SYCP2: variants seen among roughly 807,000 people sequenced by gnomAD.
SYCP2 encodes synaptonemal complex protein 2, also known as synaptonemal complex lateral element protein.
Under a neutral mutation model 211.3 loss-of-function variants are expected in SYCP2, and 55 were observed. The observed-to-expected ratio is 0.26, with a 90% CI of 0.21 to 0.33. The LOEUF (loss-of-function observed/expected upper bound fraction) is 0.33. Ranked by LOEUF, SYCP2 falls within the 10% of genes least tolerant of loss-of-function variation. The pLI, the probability that SYCP2 is intolerant of heterozygous loss-of-function variation, is 1.00. For synonymous variants in SYCP2, 570 were observed against 555.2 expected (o/e 1.03, Z -0.37); for missense variants, 1,731 against 1,752.0 (o/e 0.99, Z 0.21).
intron 35 of SYCP2, among the ~76,000 whole-genome samples, chr20:59,872,237 A>G (rs1199026799): frequency 6.6e-6 from 1 of 152,048 alleles, no homozygotes; most frequent in African/African-American, 2.4e-5. Flanking sequence ...GAAATCATTT[A>G]TAAGTTTCAA....
chr20:59,884,908 C>G (rs2145694293), intron 26 of SYCP2, among the ~76,000 whole-genome samples: 2 of 151,748 alleles, frequency 1.3e-5, no homozygotes, highest in Admixed American at 1.3e-4. Flanking sequence ...TAAAAGGTAC[C>G]AAAACACTCT....
intron 14 of SYCP2, 57 bp from the exon 15 acceptor site, chr20:59,907,481 T>C: frequency 1.4e-6 from 2 of 1,405,114 alleles, no homozygotes; most frequent in Non-Finnish European, 9.9e-7. Context: ...TTACAGTTTC[T>C]TTAAACATCA....
In SYCP2 at chr20:59,901,730, A is replaced by G; in HGVS notation, c.1114T>C (p.Leu372=). Residue 372 remains leucine, a synonymous_variant, in exon 16 of 45, where the codon TTG becomes CTG. Coordinates refer to ENST00000357552, the MANE Select transcript of SYCP2 (RefSeq NM_014258.4). The part of the protein sequence containing the change: ...ISKREGKELL[L]YFDASLEITN... ...ATTTCTAGTGATGCGTCAAAATACA[A>G]AAGCAATTCTTTCCCTTCTCTTTTG... 1.2e-6 allele frequency: 2 copies of G among 1,606,860 alleles called. No individual in the cohort carries two copies. The highest frequency in any genetic ancestry group is 1.7e-6 in the Non-Finnish European group (2 of 1,176,558).
intron 38 of SYCP2, 129 bp downstream of exon 38, chr20:59,868,284 T>A: frequency 1.1e-6 from 1 of 908,106 alleles, no homozygotes; most frequent in Non-Finnish European, 1.7e-6. Flanking sequence ...AACTTTGCAA[T>A]AAAGCATCAT....
rs3834664 is a variant in SYCP2, at chr20:59,922,801, G to GAA, written c.-46-344_-46-343dup. ...TACTTGTTCCACCTCTGAGAACAAGGAAAAAAAAAAACTCTTGAATTAATG... is the reference window on the plus strand; with the variant it reads ...TACTTGTTCCACCTCTGAGAACAAGGAAAAAAAAAAAAACTCTTGAATTAATG... On this transcript the variant is annotated intron_variant, in intron 2 of 44. Coordinates refer to ENST00000357552, the MANE Select transcript of SYCP2 (RefSeq NM_014258.4). 5.3e-3 allele frequency among the ~76,000 whole-genome samples: 747 copies of GAA among 140,290 alleles called. 4 individuals are homozygous for GAA. Among genetic ancestry groups the GAA allele is most frequent in the African/African-American group, 0.018 (712 of 38,524 alleles). 92.0% of individuals were successfully genotyped at this position (140,290 alleles called of 152,430 possible).
Position 59,886,837 on chromosome 20 carries a change from G to GA in SYCP2, c.2365-4dup, listed in dbSNP as rs764577113. The GA allele has an allele frequency of 4.5e-6, 7 of 1,561,694 alleles. No individual in the cohort carries two copies. Among genetic ancestry groups the GA allele is most frequent in the Admixed American group, 2.1e-5 (1 of 47,360 alleles). On this transcript the variant is annotated splice_region_variant and splice_polypyrimidine_tract_variant and intron_variant, in intron 24 of 44. Transcript: ENST00000357552. Reference sequence around the variant, plus strand: ...TCTTTCCCTTTTGACTTTTCTCTCTGAAAAAAATTGTAAGTTACTTTTAAA... The same window carrying GA: ...TCTTTCCCTTTTGACTTTTCTCTCTGAAAAAAAATTGTAAGTTACTTTTAAA...
At chr20:59,873,809 A>G in intron 35 of SYCP2, 47 bp downstream of exon 35, 1 of 1,437,558 alleles carries the variant, frequency 7.0e-7, no homozygotes, top group Non-Finnish European at 9.5e-7. Context: ...ATAACTTACT[A>G]CCTTCAGATA....
chr20:59,928,003 A>G (rs1259214802), intron 2 of SYCP2, among the ~76,000 whole-genome samples: 1 of 152,158 alleles, frequency 6.6e-6, no homozygotes, highest in African/African-American at 2.4e-5. Context: ...GTCTAACTCA[A>G]TTACCTTGCA....
Position 59,921,301 on chromosome 20 carries a change from A to T in SYCP2, c.168+9T>A. On this transcript the variant is annotated intron_variant, in intron 4 of 44. Transcript: ENST00000357552. ...TTGTAACAATCATTCAGCAAAAATGAATATTTACCCTGCATATAAGGTTGT... is the reference window on the plus strand; with the variant it reads ...TTGTAACAATCATTCAGCAAAAATGTATATTTACCCTGCATATAAGGTTGT... 6.3e-7 allele frequency: 1 copy of T among 1,579,698 alleles called. No homozygotes were observed. The highest frequency in any genetic ancestry group is 8.6e-7 in the Non-Finnish European group (1 of 1,163,266).
chr20:59,864,411 C>G, intron 44 of SYCP2, 23 bp from the exon 45 acceptor site: 1 of 1,475,548 alleles, frequency 6.8e-7, no homozygotes, highest in East Asian at 2.3e-5. Flanking sequence ...AAAAAAAAAT[C>G]ACACTTAGAT....
chr20:59,875,824 C>T (rs1330897717), intron 33 of SYCP2, among the ~76,000 whole-genome samples: 8 of 152,058 alleles, frequency 5.3e-5, no homozygotes, highest in Admixed American at 6.6e-5. Context: ...AGACATACTG[C>T]GAATAGAGAA....
rs936762229 is a variant in SYCP2 at position 59,873,908 on chromosome 20, T to A, written c.3503A>T (p.Asn1168Ile). 3.7e-6 allele frequency: 6 copies of A among 1,613,164 alleles called. No homozygotes were observed. The highest frequency in any genetic ancestry group is 3.3e-5 in the Admixed American group (2 of 59,902). The change falls in exon 35 of 45, where the codon AAC (asparagine) becomes ATC (isoleucine). Residue 1168 changes from asparagine to isoleucine, a missense_variant. Asn to Ile is a moderately radical substitution (Grantham distance 149, BLOSUM62 -3). Coordinates refer to ENST00000357552, the MANE Select transcript of SYCP2 (RefSeq NM_014258.4). ...ACAACTTTCACTTGCACACAGGAAG[T>A]TTTTCTCATTGTTTTTGGGTGACTT... Reference protein sequence around the residue: ...TIKSPKNNEKNFLCASESCSP... With the variant: ...TIKSPKNNEKIFLCASESCSP...
chr20:59,916,180 A>G (rs1317522342), intron 8 of SYCP2, among the ~76,000 whole-genome samples: 1 of 152,040 alleles, frequency 6.6e-6, no homozygotes, highest in Non-Finnish European at 1.5e-5. Context: ...TTTTGTTCTT[A>G]TGATTATAGT....
chr20:59,886,940 C>T (rs571604661), intron 24 of SYCP2, 106 bp from the exon 25 acceptor site: 19 of 815,844 alleles, frequency 2.3e-5, no homozygotes, highest in Middle Eastern at 2.7e-4. Flanking sequence ...TTTATACCTG[C>T]GGAGAGAAAT....
chr20:59,914,585 T>G (rs1157775662), intron 10 of SYCP2, among the ~76,000 whole-genome samples: 1 of 152,052 alleles, frequency 6.6e-6, no homozygotes, highest in Non-Finnish European at 1.5e-5. Context: ...ACAAAGTCTG[T>G]TTTCCTCTTG....
chr20:59,881,409 A>AAT, intron 29 of SYCP2, 28 bp downstream of exon 29: 1 of 1,253,856 alleles, frequency 8.0e-7, no homozygotes, highest in Non-Finnish European at 1.1e-6. Context: ...AAAAGATCAG[A>AAT]ATATTTTAAT....
At position 59,915,469 on chromosome 20, in the gene SYCP2, G is replaced by T. The variant is rs3736763; in HGVS notation, c.595C>A (p.Leu199Ile). Reference sequence around the variant, plus strand: ...CATATAAGTACAGATTATTACATGAGAATTAACATTTCTTGGTTAGAGAGT... The same window carrying T: ...CATATAAGTACAGATTATTACATGATAATTAACATTTCTTGGTTAGAGAGT... ...KILSNQEMLILMSSMGERILD... is the reference protein window; with the variant it reads ...KILSNQEMLIIMSSMGERILD... The change falls in exon 9 of 45, where the codon CTC becomes ATC. Residue 199 changes from leucine to isoleucine, a missense_variant. Transcript: ENST00000357552. 3.2e-6 allele frequency: 5 copies of T among 1,585,138 alleles called. No individual in the cohort carries two copies. The African/African-American group carries it at 4.0e-5, about 13-fold the overall frequency.
intron 6 of SYCP2, 47 bp from the exon 7 acceptor site, chr20:59,919,229 C>A (rs767773016): frequency 2.2e-6 from 2 of 926,812 alleles, no homozygotes; most frequent in Middle Eastern, 2.5e-4. Flanking sequence ...CTATATATTA[C>A]AAACCATTAC....
rs575835511 is a variant in SYCP2, at chr20:59,915,149, G to A, written c.634+16C>T. The A allele has an allele frequency of 1.9e-4, 280 of 1,512,530 alleles. 2 individuals carry two copies. In the South Asian group the frequency reaches 3.0e-3, roughly 16 times the overall value. 93.7% of individuals were successfully genotyped at this position (1,512,530 alleles called of 1,614,324 possible). A position where few individuals can be genotyped will look rare whatever the true frequency, so the allele number is the denominator to read the frequency against. On this transcript the variant is annotated intron_variant, in intron 10 of 44. Transcript: ENST00000357552. The stretch of plus-strand genomic sequence containing the variant: ...TAAATATGGAATAATTTTAGATTTG[G>A]AAAAGACATACTTACCTCCAGCATC...
Sources: allele counts gnomAD v4.1 joint callset (sites outside exome capture counted in the v4.1 genomes callset), GRCh38; gene constraint gnomAD v4.1.1; transcripts MANE v1.5; gene names NCBI Gene and HGNC (gene_info 2026-07-23, HGNC 2026-07-21).